ZNF658: variants seen among roughly 807,000 people sequenced by gnomAD.
The protein encoded by ZNF658 is zinc finger protein 658.
In ZNF658, 46 loss-of-function variants were observed where a neutral mutation model predicts 78.0. That is an observed-to-expected ratio of 0.59 (90% confidence interval 0.47 to 0.75). ZNF658 has a LOEUF of 0.75. Ranked by LOEUF, ZNF658 falls within the 30% of genes least tolerant of loss-of-function variation. The pLI is 0.00. For synonymous variants in ZNF658, 279 were observed against 408.4 expected (o/e 0.68, Z 3.82); for missense variants, 785 against 1,189.3 (o/e 0.66, Z 5.00).
chr9:66,914,845 G>A (rs553132943), intron 4 of ZNF658, among the ~76,000 whole-genome samples: 1 of 152,112 alleles, frequency 6.6e-6, no homozygotes, highest in African/African-American at 2.4e-5. Flanking sequence ...TATGTTATGG[G>A]AGATATTGGT....
chr9:66,902,869 T>C (rs1421074087), intron 1 of ZNF658: 2 of 151,990 alleles, frequency 1.3e-5, no homozygotes, highest in Non-Finnish European at 2.9e-5. Flanking sequence ...AAAAAAATTA[T>C]TTTTAAATTT....
At chr9:66,902,489 AT>A in intron 1 of ZNF658, among the ~76,000 whole-genome samples, 1 of 128,574 alleles carries the variant, frequency 7.8e-6, no homozygotes, top group Non-Finnish European at 1.6e-5. Context: ...GTTGAGAGGG[AT>A]GAGTGACTAT....
Position 66,918,686 on chromosome 9 carries a change from A to T in ZNF658, c.1120A>T (p.Ile374Phe). Residue 374 changes from isoleucine to phenylalanine, a missense_variant, in exon 5 of 5, where the codon ATT (isoleucine) becomes TTT (phenylalanine). Ile to Phe is a conservative substitution (Grantham distance 21). Transcript: ENST00000621410. ...ATTAGACTTTACAGCACATCAGAGA[A>T]TTCACACAGAAGATAAATTCTACCT... ...QKLDFTAHQR[I>F]HTEDKFYLSD... 1 of 1,613,960 alleles carries T rather than the reference A, an allele frequency of 6.2e-7. No individual in the cohort carries two copies. The highest frequency in any genetic ancestry group is 8.5e-7 in the Non-Finnish European group (1 of 1,179,868).
chr9:66,914,858 G>T (rs1465465325), intron 4 of ZNF658, among the ~76,000 whole-genome samples: 3 of 152,076 alleles, frequency 2.0e-5, no homozygotes, highest in Non-Finnish European at 4.4e-5. Flanking sequence ...ATATTGGTCT[G>T]AAAGCTTCTT....
At chr9:66,908,878 A>T (rs1197733490) in intron 4 of ZNF658, 144 bp downstream of exon 4, 4 of 610,092 alleles carry the variant, frequency 6.6e-6, no homozygotes, top group African/African-American at 5.6e-5. Flanking sequence ...CAGGTCAGTG[A>T]CTTCAAGCAA....
downstream of ZNF658, among the ~76,000 whole-genome samples, chr9:66,923,912 G>A (rs1159566421): frequency 8.0e-6 from 1 of 124,684 alleles, no homozygotes; most frequent in Non-Finnish European, 1.7e-5. Context: ...ACTTTGGGAG[G>A]CTGAAGCAGG....
chr9:66,908,493 A>G, intron 3 of ZNF658, 129 bp downstream of exon 3: 1 of 1,492,210 alleles, frequency 6.7e-7, no homozygotes, highest in South Asian at 1.4e-5. Context: ...TGAAACCTTT[A>G]CAGAAACAAA....
At chr9:66,908,574 C>A in intron 3 of ZNF658, 65 bp from the exon 4 acceptor site, 1 of 1,531,038 alleles carries the variant, frequency 6.5e-7, no homozygotes, top group South Asian at 1.2e-5. Context: ...GCTGCCATAT[C>A]TTTTTTTCCC....
chr9:66,908,969 C>A (rs1822149997), intron 4 of ZNF658, among the ~76,000 whole-genome samples: 1 of 152,146 alleles, frequency 6.6e-6, no homozygotes, highest in Non-Finnish European at 1.5e-5. Flanking sequence ...TCACTATTCC[C>A]TGAACAATAT....
Position 66,918,559 on chromosome 9 carries a change from A to G in ZNF658, c.993A>G (p.Glu331=). The G allele has an allele frequency of 3.1e-6, 5 of 1,608,206 alleles. No individual in the cohort carries two copies. The highest frequency in any genetic ancestry group is 4.3e-6 in the Non-Finnish European group (5 of 1,175,554). Residue 331 remains glutamate (E), a synonymous_variant, in exon 5 of 5, where the codon GAA becomes GAG. Coordinates refer to ENST00000621410, the MANE Select transcript of ZNF658 (RefSeq NM_033160.7). ...GWSAFESNKC[E]ENFSQSSAHI... is the part of the protein sequence containing the mutation. The stretch of plus-strand genomic sequence containing the variant: ...GTGCTTTTGAAAGCAATAAATGTGA[A>G]GAAAATTTTAGCCAGAGCTCAGCCC...
At chr9:66,930,769 A>T (rs1021338625) in intron 6 of ZNF658, among the ~76,000 whole-genome samples, 6 of 151,526 alleles carry the variant, frequency 4.0e-5, no homozygotes, top group African/African-American at 1.5e-4. Flanking sequence ...AACCTATAAG[A>T]GCAATATCTG....
In ZNF658 at chr9:66,902,851, CT is replaced by C. The variant is rs1172257535; in HGVS notation, c.-44-661del. The C allele has an allele frequency of 3.1e-3, 475 of 151,906 alleles. 4 individuals carry two copies. The highest frequency in any genetic ancestry group is 0.01 in the African/African-American group (426 of 41,474). 9.4% of individuals were successfully genotyped at this position (151,906 alleles called of 1,614,324 possible). On this transcript the variant is annotated intron_variant, in intron 1 of 4. Coordinates refer to ENST00000621410, the MANE Select transcript of ZNF658 (RefSeq NM_033160.7). ...CTTGATTAAGTCAGCCTGAGTAGTT[CT>C]TTTTTAAAAAAAATTATTTTTAAAT...
At chr9:66,901,976 C>G (rs1821962858) in intron 1 of ZNF658, among the ~76,000 whole-genome samples, 1 of 152,088 alleles carries the variant, frequency 6.6e-6, no homozygotes, top group South Asian at 2.1e-4. Flanking sequence ...TTTTCAGTAG[C>G]TACAGTAAAA....
chr9:66,920,460 C>T lies in ZNF658; in HGVS notation c.2894C>T (p.Ser965Phe), dbSNP rs1282227145. 6.9e-6 allele frequency: 11 copies of T among 1,604,086 alleles called. No individual in the cohort carries two copies. The South Asian group carries it at 1.2e-4, about 18-fold the overall frequency. Residue 965 changes from serine to phenylalanine, a missense_variant, in exon 5 of 5, where the codon TCC (serine) becomes TTC (phenylalanine). Coordinates refer to ENST00000621410, the MANE Select transcript of ZNF658 (RefSeq NM_033160.7). ...CAAAGAATTCACACAGGGGAGAAATCCTATGAATGTAATGATTGTGGGAAA... is the reference window on the plus strand; with the variant it reads ...CAAAGAATTCACACAGGGGAGAAATTCTATGAATGTAATGATTGTGGGAAA... ...VHQRIHTGEK[S>F]YECNDCGKTF...
intron 4 of ZNF658, among the ~76,000 whole-genome samples, chr9:66,909,885 G>T (rs77138042): frequency 0.034 from 5,227 of 152,170 alleles, 172 homozygotes; most frequent in East Asian, 0.21. Flanking sequence ...GATTCTGGAG[G>T]CTGGGAGTCT....
At chr9:66,923,114 A>C (rs908238946), downstream of ZNF658, among the ~76,000 whole-genome samples, 1 of 142,278 alleles carries the variant, frequency 7.0e-6, no homozygotes, top group Non-Finnish European at 1.6e-5. Flanking sequence ...AATCTCAAAA[A>C]TAGGGAAGCC....
intron 4 of ZNF658, among the ~76,000 whole-genome samples, chr9:66,912,493 TACA>T (rs1822236702): frequency 9.8e-6 from 1 of 101,746 alleles, no homozygotes; most frequent in African/African-American, 4.1e-5. Flanking sequence ...TCCAGACCAC[TACA>T]ATGAAGCAAA....
chr9:66,910,122 G>T (rs959011128), intron 4 of ZNF658, among the ~76,000 whole-genome samples: 3 of 152,250 alleles, frequency 2.0e-5, no homozygotes, highest in Middle Eastern at 3.4e-3. Flanking sequence ...TGAAGGCCTT[G>T]TCTGCAAATA....
At chr9:66,901,286 T>A (rs936825665) in intron 1 of ZNF658, among the ~76,000 whole-genome samples, 23 of 152,078 alleles carry the variant, frequency 1.5e-4, no homozygotes, top group Non-Finnish European at 3.1e-4. Context: ...TGGACGAAAG[T>A]TCATGGGGAT....
Sources: allele counts gnomAD v4.1 joint callset (sites outside exome capture counted in the v4.1 genomes callset), GRCh38; gene constraint gnomAD v4.1.1; transcripts MANE v1.5; gene names NCBI Gene and HGNC (gene_info 2026-07-23, HGNC 2026-07-21).